SPRY3: variants seen among roughly 807,000 people sequenced by gnomAD.
SPRY3 encodes sprouty RTK signaling antagonist 3.
In SPRY3, 15 loss-of-function variants were observed where a neutral mutation model predicts 20.2. The ratio of observed to expected loss-of-function variants is 0.74; its 90% CI spans 0.50 to 1.14. SPRY3 has a LOEUF of 1.14. SPRY3 is among the 50% of genes most tolerant of loss of function. The pLI, the probability that SPRY3 is intolerant of heterozygous loss-of-function variation, is 0.00. For missense variants in SPRY3, 364 were observed against 363.9 expected, an observed-to-expected ratio of 1.00 and a Z score of 0.00; for synonymous variants, 143 against 136.5, an observed-to-expected ratio of 1.05 and a Z score of -0.33.
chrX:155,733,070 A>G (rs2091144686), intron 2 of SPRY3, among the ~76,000 whole-genome samples: 1 of 151,970 alleles, frequency 6.6e-6, no homozygotes, highest in South Asian at 2.1e-4. Flanking sequence ...AAAAGAATGA[A>G]TAAATTCCAG....
chrX:155,725,558 G>T, intron 2 of SPRY3, among the ~76,000 whole-genome samples: 1 of 152,184 alleles, frequency 6.6e-6, no homozygotes. Flanking sequence ...GAGGGTGTAT[G>T]TGTCAAGGAA....
chrX:155,725,563 A>G (rs878976478), intron 2 of SPRY3, among the ~76,000 whole-genome samples: 3 of 152,100 alleles, frequency 2.0e-5, no homozygotes, highest in African/African-American at 7.2e-5. Context: ...TGTATGTGTC[A>G]AGGAATTTAT....
exon 4 of SPRY3, chrX:155,776,321 A>G (rs1271908964): frequency 3.6e-5 from 6 of 167,086 alleles, no homozygotes. Flanking sequence ...TCGCCATTGC[A>G]TCTACTCTTT....
intron 1 of SPRY3, among the ~76,000 whole-genome samples, chrX:155,625,484 A>G (rs1036108277): frequency 8.9e-6 from 1 of 111,784 alleles, no homozygotes; most frequent in Non-Finnish European, 1.9e-5. Context: ...ATTGGTCATT[A>G]TGTTTTTTAA....
chrX:155,767,071 C>T (rs184910644), intron 2 of SPRY3, among the ~76,000 whole-genome samples: 7 of 152,180 alleles, frequency 4.6e-5, no homozygotes, highest in Admixed American at 1.3e-4. Flanking sequence ...CCACCCCACC[C>T]CCACGTTCCT....
chrX:155,777,448 C>T (rs958664372), downstream of SPRY3: 15 of 166,718 alleles, frequency 9.0e-5, no homozygotes, highest in Admixed American at 5.9e-4. Context: ...AATGGCCTTA[C>T]ACTTGGTAGA....
intron 2 of SPRY3, among the ~76,000 whole-genome samples, chrX:155,705,485 G>C: frequency 6.6e-6 from 1 of 151,380 alleles, no homozygotes; most frequent in Admixed American, 6.6e-5. Flanking sequence ...AAACAGCTAA[G>C]AAAATGGTAG....
intron 1 of SPRY3, among the ~76,000 whole-genome samples, chrX:155,646,945 A>G (rs1449047105): frequency 1.8e-5 from 2 of 111,591 alleles, no homozygotes; most frequent in Non-Finnish European, 3.8e-5. Flanking sequence ...TATAGCCTTT[A>G]TTATGTGAAG....
At chrX:155,757,702 C>CA (rs1355224487) in intron 2 of SPRY3, among the ~76,000 whole-genome samples, 3 of 152,022 alleles carry the variant, frequency 2.0e-5, no homozygotes, top group South Asian at 2.1e-4. Flanking sequence ...GATCTCTGAA[C>CA]AAAAAATCTC....
At chrX:155,673,182 T>C (rs1287384307) in intron 2 of SPRY3, among the ~76,000 whole-genome samples, 4 of 105,282 alleles carry the variant, frequency 3.8e-5, no homozygotes, top group Non-Finnish European at 7.8e-5. Context: ...ACCTGAACAT[T>C]GTGCACATGT....
intron 2 of SPRY3, among the ~76,000 whole-genome samples, chrX:155,698,265 G>T (rs781739776): frequency 9.0e-5 from 10 of 111,667 alleles, no homozygotes; most frequent in Non-Finnish European, 1.7e-4. Flanking sequence ...CTGTCATATG[G>T]CCACATCTAG....
intron 2 of SPRY3, among the ~76,000 whole-genome samples, chrX:155,742,241 G>T (rs895145342): frequency 3.3e-5 from 5 of 151,988 alleles, no homozygotes; most frequent in Admixed American, 6.6e-5. Flanking sequence ...GATCAAAAAA[G>T]ACAAAGGGCA....
intron 2 of SPRY3, among the ~76,000 whole-genome samples, chrX:155,736,222 A>G (rs1378321850): frequency 1.3e-5 from 2 of 151,944 alleles, no homozygotes; most frequent in Non-Finnish European, 2.9e-5. Context: ...GGCCACTGAA[A>G]CATAAGAAAA....
At chrX:155,615,387 A>G (rs6642304) in intron 1 of SPRY3, among the ~76,000 whole-genome samples, 3 of 112,500 alleles carry the variant, frequency 2.7e-5, no homozygotes, top group African/African-American at 6.4e-5. Context: ...ATCTCTAATC[A>G]TATTCATAAC....
At position 155,703,827 on chromosome X, in the gene SPRY3, G is replaced by A. The variant is rs150801984; in HGVS notation, c.-282+46802G>A. Among the ~76,000 whole-genome samples, 719 of 148,820 alleles carry A rather than the reference G, an allele frequency of 4.8e-3. 1 individual carries two copies. The highest frequency in any genetic ancestry group is 0.017 in the Middle Eastern group (5 of 292). ...TCTGGTATGTGGTGTCTTTGTTCTC[G>A]TTGGGGAAACCCTTAATCTCATAAT... is the stretch of plus-strand genomic sequence containing the variant. On this transcript the variant is annotated intron_variant, in intron 2 of 3. Coordinates refer to ENST00000675360, the Ensembl canonical transcript of SPRY3.
chrX:155,686,927 A>G (rs1425304394), intron 2 of SPRY3, among the ~76,000 whole-genome samples: 2 of 112,566 alleles, frequency 1.8e-5, no homozygotes, highest in African/African-American at 6.4e-5. Flanking sequence ...CCACCCCTGA[A>G]TTTTAGATAT....
At chrX:155,758,213 A>G (rs1347157820) in intron 2 of SPRY3, among the ~76,000 whole-genome samples, 2 of 152,188 alleles carry the variant, frequency 1.3e-5, no homozygotes, top group African/African-American at 4.8e-5. Flanking sequence ...CGTATCTCAC[A>G]TATCAAGTAT....
intron 2 of SPRY3, among the ~76,000 whole-genome samples, chrX:155,704,803 A>G (rs1316816091): frequency 1.3e-5 from 2 of 151,714 alleles, no homozygotes; most frequent in African/African-American, 2.4e-5. Flanking sequence ...GAGAAAAAAG[A>G]TAATAACAGC....
At chrX:155,761,567 C>T in intron 2 of SPRY3, among the ~76,000 whole-genome samples, 1 of 152,210 alleles carries the variant, frequency 6.6e-6, no homozygotes, top group Middle Eastern at 3.4e-3. Context: ...GTTATATACC[C>T]AATAGTGGGA....
Sources: allele counts gnomAD v4.1 joint callset (sites outside exome capture counted in the v4.1 genomes callset), GRCh38; gene constraint gnomAD v4.1.1; transcripts MANE v1.5; gene names NCBI Gene and HGNC (gene_info 2026-07-23, HGNC 2026-07-21).